The following PTPRQ variants were observed in gnomAD, a reference collection of about 807,000 sequenced individuals.
PTPRQ encodes the protein phosphatidylinositol phosphatase PTPRQ.
A neutral mutation model predicts 246.0 loss-of-function variants in PTPRQ; 199 were observed. The observed-to-expected ratio is 0.81, with a 90% CI of 0.72 to 0.91. PTPRQ has a LOEUF of 0.91. Among genes scored for constraint, PTPRQ ranks in the 40% least tolerant of loss-of-function variants. The pLI, the probability that PTPRQ is intolerant of heterozygous loss-of-function variation, is 0.00. For synonymous variants in PTPRQ, 869 were observed against 853.2 expected (o/e 1.02, Z -0.32); for missense variants, 2,624 against 2,528.4 (o/e 1.04, Z -0.81).
intron 25 of PTPRQ, among the ~76,000 whole-genome samples, chr12:80,568,225 A>G (rs1438386469): frequency 1.3e-5 from 2 of 152,228 alleles, no homozygotes; most frequent in Non-Finnish European, 2.9e-5. Flanking sequence ...TATTTAGTAT[A>G]CTAATTTAAA....
Position 80,534,125 on chromosome 12 carries a change from G to A in PTPRQ, c.2789G>A (p.Gly930Asp), listed in dbSNP as rs1455304414. ...SAYVTASTRF[G>D]DGKTRSNIIS... ...TATGTAACAGCTAGCACCAGATTTG[G>A]TGATGGGAAAACAAGAAGCAATATC... The change falls in exon 18 of 45, where the codon GGT becomes GAT. Residue 930 changes from glycine (G) to aspartate (D), a missense_variant. Physicochemically the swap from Gly to Asp is moderately conservative, Grantham distance 94 (BLOSUM62 -1). Transcript: ENST00000644991. 1.5e-5 allele frequency: 23 copies of A among 1,541,370 alleles called. No individual in the cohort carries two copies. The highest frequency in any genetic ancestry group is 2.0e-5 in the Admixed American group (1 of 49,530).
At chr12:80,649,777 TAATC>T (rs1900196505) in intron 37 of PTPRQ, 108 bp downstream of exon 37, 5 of 1,394,022 alleles carry the variant, frequency 3.6e-6, no homozygotes, top group Non-Finnish European at 4.7e-6. Context: ...CTGGCCTTGA[TAATC>T]AATACCCAAT....
chr12:80,575,405 G>A (rs1165341830), intron 25 of PTPRQ, among the ~76,000 whole-genome samples: 1 of 152,000 alleles, frequency 6.6e-6, no homozygotes, highest in Admixed American at 6.6e-5. Flanking sequence ...TGGCAATGTA[G>A]CGAGATCCCG....
chr12:80,511,902 T>C (rs962055604), intron 17 of PTPRQ, among the ~76,000 whole-genome samples: 1 of 151,990 alleles, frequency 6.6e-6, no homozygotes, highest in South Asian at 2.1e-4. Context: ...ATAAAGGGAG[T>C]TCATAGATAA....
intron 25 of PTPRQ, among the ~76,000 whole-genome samples, chr12:80,558,110 C>CTT: frequency 8.0e-6 from 1 of 124,968 alleles, no homozygotes; most frequent in Non-Finnish European, 1.6e-5. Flanking sequence ...TTTCTTCTTT[C>CTT]TTTTCTTTCT....
intron 24 of PTPRQ, chr12:80,546,941 G>T: frequency 2.8e-6 from 1 of 358,510 alleles, no homozygotes; most frequent in South Asian, 6.6e-5. Flanking sequence ...ATAGTAGTTT[G>T]GGAACAAAAT....
rs550795871 is a variant in PTPRQ, at chr12:80,592,975, C to T, written c.4609+4523C>T. ...GCAATGAGCCAAGATTGTGCCACTGCACTCTAGCCTGGGTTACAAAGCCAG... is the reference window on the plus strand; with the variant it reads ...GCAATGAGCCAAGATTGTGCCACTGTACTCTAGCCTGGGTTACAAAGCCAG... On this transcript the variant is annotated intron_variant, in intron 26 of 44. Transcript: ENST00000644991. Among the ~76,000 whole-genome samples the T allele has an allele frequency of 2.0e-5, 3 of 152,230 alleles. No individual in the cohort carries two copies. In the East Asian group the frequency reaches 5.8e-4, roughly 29 times the overall value.
intron 8 of PTPRQ, 140 bp from the exon 9 acceptor site, chr12:80,484,293 C>T: frequency 9.3e-7 from 1 of 1,071,236 alleles, no homozygotes; most frequent in Non-Finnish European, 1.3e-6. Context: ...AGCCATGAGC[C>T]ACCGCACCTA....
chr12:80,513,809 T>G (rs2120727457), intron 17 of PTPRQ, among the ~76,000 whole-genome samples: 1 of 152,324 alleles, frequency 6.6e-6, no homozygotes, highest in East Asian at 1.9e-4. Context: ...ACCTCAAGGC[T>G]TATTCTAGTC....
chr12:80,604,988 C>CT (rs1898262331), intron 26 of PTPRQ, 71 bp from the exon 27 acceptor site: 1 of 1,356,558 alleles, frequency 7.4e-7, no homozygotes. Context: ...TTTTCATGGT[C>CT]TTTTCTATTA....
At chr12:80,645,329 A>C (rs1046190589) in intron 35 of PTPRQ, among the ~76,000 whole-genome samples, 7 of 152,010 alleles carry the variant, frequency 4.6e-5, no homozygotes, top group Non-Finnish European at 2.9e-5. Context: ...TCTATTGATT[A>C]TACGTATTTA....
At chr12:80,496,571 T>G in intron 14 of PTPRQ, 40 bp downstream of exon 14, 2 of 1,512,700 alleles carry the variant, frequency 1.3e-6, no homozygotes, top group Non-Finnish European at 1.8e-6. Flanking sequence ...TAATACACAG[T>G]GATATAGTAA....
rs572573735 is a variant in PTPRQ, at chr12:80,496,382, C to G, written c.2123C>G (p.Thr708Ser). ...AYEVLYKNID[T>S]LYMKNTSTTD... is the part of the protein sequence containing the mutation. ...GAAGTGCTATATAAAAATATAGATACTTTATATATGAAGAACACATCAACA... is the reference window on the plus strand; with the variant it reads ...GAAGTGCTATATAAAAATATAGATAGTTTATATATGAAGAACACATCAACA... The change falls in exon 14 of 45, where the codon ACT (threonine) becomes AGT (serine). Residue 708 changes from threonine to serine, a missense_variant. Transcript: ENST00000644991. 1 of 1,550,368 alleles carries G rather than the reference C, an allele frequency of 6.5e-7. No homozygotes were observed. The highest frequency in any genetic ancestry group is 1.2e-5 in the South Asian group (1 of 83,926).
chr12:80,539,773 C>T lies in PTPRQ; in HGVS notation c.2986-3C>T, dbSNP rs1275462678. On this transcript the variant is annotated splice_region_variant and splice_polypyrimidine_tract_variant and intron_variant, in intron 19 of 44. Coordinates refer to ENST00000644991, the MANE Select transcript of PTPRQ (RefSeq NM_001145026.2). ...CTGAACAATGAATGTGTTTATTTTT[C>T]AGAATTTTACACTCCATGAAGTAAC... is the stretch of plus-strand genomic sequence containing the variant. 1 of 1,519,184 alleles carries T rather than the reference C, an allele frequency of 6.6e-7. No homozygotes were observed. Among genetic ancestry groups the T allele is most frequent in the Non-Finnish European group, 8.8e-7 (1 of 1,135,508 alleles). 94.1% of individuals were successfully genotyped at this position (1,519,184 alleles called of 1,614,324 possible).
intron 43 of PTPRQ, among the ~76,000 whole-genome samples, chr12:80,676,675 A>T (rs539462321): frequency 6.6e-6 from 1 of 151,934 alleles, no homozygotes; most frequent in Non-Finnish European, 1.5e-5. Flanking sequence ...ACAACAACAC[A>T]TTGTAGCCCC....
At chr12:80,669,220 T>A in intron 40 of PTPRQ, 79 bp downstream of exon 40, 10 of 1,529,484 alleles carry the variant, frequency 6.5e-6, no homozygotes, top group Middle Eastern at 1.7e-4. Flanking sequence ...TCTAATACTG[T>A]GAGTCATCAA....
chr12:80,619,062 G>T (rs995045637), intron 30 of PTPRQ, among the ~76,000 whole-genome samples: 5 of 151,422 alleles, frequency 3.3e-5, no homozygotes, highest in African/African-American at 7.3e-5. Context: ...ATAGTAAAAA[G>T]TAAATATGTT....
chr12:80,572,482 C>T (rs975300545), intron 25 of PTPRQ, among the ~76,000 whole-genome samples: 1 of 151,948 alleles, frequency 6.6e-6, no homozygotes, highest in Non-Finnish European at 1.5e-5. Flanking sequence ...TTCTTTCTTT[C>T]TTAACTCCAT....
At chr12:80,675,844 T>C (rs1001691609) in intron 43 of PTPRQ, among the ~76,000 whole-genome samples, 1 of 152,152 alleles carries the variant, frequency 6.6e-6, no homozygotes, top group Non-Finnish European at 1.5e-5. Flanking sequence ...TCCGAATACA[T>C]CTCTGCTAAT....
Sources: allele counts gnomAD v4.1 joint callset (sites outside exome capture counted in the v4.1 genomes callset), GRCh38; gene constraint gnomAD v4.1.1; transcripts MANE v1.5; gene names NCBI Gene and HGNC (gene_info 2026-07-23, HGNC 2026-07-21).